Variants in CLCA1 observed in about 807,000 individuals in gnomAD.
CLCA1 encodes the protein chloride channel accessory 1.
A neutral mutation model predicts 85.6 loss-of-function variants in CLCA1; 59 were observed. The observed-to-expected ratio is 0.69, with a 90% CI of 0.56 to 0.86. CLCA1 has a LOEUF of 0.86. Among genes scored for constraint, CLCA1 ranks in the 40% least tolerant of loss-of-function variants. CLCA1 has a pLI of 0.00. For synonymous variants in CLCA1, 396 were observed against 398.3 expected (o/e 0.99, Z 0.07); for missense variants, 1,022 against 1,101.4 (o/e 0.93, Z 1.02).
At chr1:86,473,226 G>A (rs985701344) in intron 1 of CLCA1, among the ~76,000 whole-genome samples, 191 bp from the exon 2 acceptor site, 1 of 152,086 alleles carries the variant, frequency 6.6e-6, no homozygotes, top group African/African-American at 2.4e-5. Context: ...CTGATTACTC[G>A]GTGACACAGA....
chr1:86,498,053 G>A (rs1408297495), intron 12 of CLCA1, among the ~76,000 whole-genome samples: 1 of 152,074 alleles, frequency 6.6e-6, no homozygotes, highest in African/African-American at 2.4e-5. Context: ...TGAGGCAGGA[G>A]AATCACCTGA....
At chr1:86,494,947 A>G (rs999229732) in intron 11 of CLCA1, among the ~76,000 whole-genome samples, 2 of 152,034 alleles carry the variant, frequency 1.3e-5, no homozygotes, top group Non-Finnish European at 2.9e-5. Flanking sequence ...TGCAGACTCT[A>G]TATTAGCTTG....
chr1:86,482,309 A>C lies in CLCA1; in HGVS notation c.662A>C (p.Lys221Thr). The C allele has an allele frequency of 6.2e-7, 1 of 1,614,134 alleles. No individual in the cohort carries two copies. The highest frequency in any genetic ancestry group is 8.5e-7 in the Non-Finnish European group (1 of 1,179,982). The change falls in exon 5 of 14, where the codon AAA (lysine) becomes ACA (threonine). Residue 221 changes from lysine (K) to threonine (T), a missense_variant. Physicochemically the swap from Lys to Thr is moderately conservative, Grantham distance 78. Coordinates refer to ENST00000394711, the MANE Select transcript of CLCA1 (RefSeq NM_001285.4). ...AATAAAGTAACAGGACTCTATGAAA[A>C]AGGATGTGAGTTTGTTCTCCAATCC... Reference protein sequence around the residue: ...TFNKVTGLYEKGCEFVLQSRQ... With the variant: ...TFNKVTGLYETGCEFVLQSRQ...
chr1:86,478,183 C>T (rs1489117600), intron 4 of CLCA1, among the ~76,000 whole-genome samples: 1 of 152,070 alleles, frequency 6.6e-6, no homozygotes, highest in African/African-American at 2.4e-5. Flanking sequence ...AATCCCAGTA[C>T]TTTGGGAGGC....
chr1:86,487,381 G>C (rs1648010241), intron 7 of CLCA1, among the ~76,000 whole-genome samples: 1 of 152,082 alleles, frequency 6.6e-6, no homozygotes, highest in African/African-American at 2.4e-5. Flanking sequence ...GTGGTGAAGA[G>C]AGAACCTCTG....
At chr1:86,484,067 A>G (rs1216638368) in intron 5 of CLCA1, among the ~76,000 whole-genome samples, 1 of 152,174 alleles carries the variant, frequency 6.6e-6, no homozygotes, top group African/African-American at 2.4e-5. Context: ...CAAGAACAGC[A>G]TGGAGGAAAC....
intron 3 of CLCA1, among the ~76,000 whole-genome samples, chr1:86,475,056 C>T (rs1647606377): frequency 6.6e-6 from 1 of 152,128 alleles, no homozygotes; most frequent in African/African-American, 2.4e-5. Context: ...TTCTACAACA[C>T]ATTTCACCTC....
chr1:86,485,537 C>T lies in CLCA1; in HGVS notation c.930C>T (p.Val310=). The change falls in exon 6 of 14, where the codon GTC becomes GTT. Residue 310 remains valine (V), a synonymous_variant. Coordinates refer to ENST00000394711, the MANE Select transcript of CLCA1 (RefSeq NM_001285.4). The part of the protein sequence containing the change: ...LQIGQRIVCL[V]LDKSGSMATG... ...TTGGACAAAGAATTGTGTGTTTAGT[C>T]CTTGACAAATCTGGAAGCATGGCGG... 1 of 1,614,098 alleles carries T rather than the reference C, an allele frequency of 6.2e-7. No homozygotes were observed. The highest frequency in any genetic ancestry group is 8.5e-7 in the Non-Finnish European group (1 of 1,179,996).
chr1:86,471,249 A>G (rs1168329041), intron 1 of CLCA1, among the ~76,000 whole-genome samples: 1 of 152,194 alleles, frequency 6.6e-6, no homozygotes, highest in African/African-American at 2.4e-5. Context: ...TTTGCCATTT[A>G]CTAAACCCAC....
Position 86,482,237 on chromosome 1 carries a change from T to C in CLCA1, c.590T>C (p.Val197Ala). The change falls in exon 5 of 14, where the codon GTA (valine) becomes GCA (alanine). Residue 197 changes from valine (V) to alanine (A), a missense_variant. Physicochemically the swap from Val to Ala is moderately conservative, Grantham distance 64. Coordinates refer to ENST00000394711, the MANE Select transcript of CLCA1 (RefSeq NM_001285.4). ...CSAGITGTNV[V>A]KKCQGGSCYT... is the part of the protein sequence containing the mutation. ...GCAGGTATTACTGGTACAAATGTAGTAAAGAAGTGTCAGGGAGGCAGCTGT... is the reference window on the plus strand; with the variant it reads ...GCAGGTATTACTGGTACAAATGTAGCAAAGAAGTGTCAGGGAGGCAGCTGT... 6.2e-7 allele frequency: 1 copy of C among 1,613,920 alleles called. No homozygotes were observed.
chr1:86,478,236 G>A (rs1194838617), intron 4 of CLCA1, among the ~76,000 whole-genome samples: 3 of 151,962 alleles, frequency 2.0e-5, no homozygotes, highest in Non-Finnish European at 4.4e-5. Context: ...GACCAGCCTG[G>A]CCAACATGGA....
intron 5 of CLCA1, among the ~76,000 whole-genome samples, chr1:86,484,259 A>G (rs1444474811): frequency 2.0e-5 from 3 of 152,224 alleles, no homozygotes; most frequent in Non-Finnish European, 4.4e-5. Context: ...GTGAAGCTAT[A>G]AAGGGTGGAA....
intron 4 of CLCA1, among the ~76,000 whole-genome samples, chr1:86,479,062 G>A (rs1293975685): frequency 1.3e-5 from 2 of 152,148 alleles, no homozygotes; most frequent in Non-Finnish European, 2.9e-5. Context: ...TAAAACTGGG[G>A]ATGTAAAAAG....
In CLCA1 at chr1:86,491,250, G is replaced by A; in HGVS notation, c.1358-15G>A. On this transcript the variant is annotated splice_polypyrimidine_tract_variant and intron_variant, in intron 8 of 13. Transcript: ENST00000394711. Reference sequence around the variant, plus strand: ...TTTCTGGAAAATAATTTCTGAAAATGTAATTGCATTTTAGGAGGTTTACAG... The same window carrying A: ...TTTCTGGAAAATAATTTCTGAAAATATAATTGCATTTTAGGAGGTTTACAG... 1.3e-6 allele frequency: 2 copies of A among 1,580,098 alleles called. No individual in the cohort carries two copies. The highest frequency in any genetic ancestry group is 1.7e-6 in the Non-Finnish European group (2 of 1,152,692).
chr1:86,472,522 G>C (rs1312550349), intron 1 of CLCA1, among the ~76,000 whole-genome samples: 1 of 152,010 alleles, frequency 6.6e-6, no homozygotes, highest in Non-Finnish European at 1.5e-5. Context: ...CGAAGCAAAT[G>C]GTTTTCAGTC....
Position 86,473,864 on chromosome 1 carries a change from T to C in CLCA1, c.439T>C (p.Tyr147His). ...DFIAGKKLAE[Y>H]GPQGRAFVHE... is the part of the protein sequence containing the mutation. ...CATTGCAGGAAAAAAGTTAGCTGAA[T>C]ATGGACCACAAGGTATGAAATATTC... The change falls in exon 3 of 14, where the codon TAT becomes CAT. Residue 147 changes from tyrosine (Y) to histidine (H), a missense_variant. Coordinates refer to ENST00000394711, the MANE Select transcript of CLCA1 (RefSeq NM_001285.4). 1 of 1,604,282 alleles carries C rather than the reference T, an allele frequency of 6.2e-7. No individual in the cohort carries two copies. The highest frequency in any genetic ancestry group is 8.5e-7 in the Non-Finnish European group (1 of 1,176,042).
intron 13 of CLCA1, 79 bp from the exon 14 acceptor site, chr1:86,499,575 T>C: frequency 1.1e-6 from 1 of 926,792 alleles, no homozygotes; most frequent in Non-Finnish European, 1.6e-6. Flanking sequence ...GCTTTTTAAA[T>C]ATTTTTTAAA....
intron 9 of CLCA1, among the ~76,000 whole-genome samples, chr1:86,493,036 G>A (rs1648177959): frequency 6.6e-6 from 1 of 152,186 alleles, no homozygotes; most frequent in African/African-American, 2.4e-5. Flanking sequence ...TTTGAAGGAT[G>A]GGTAAGGCTT....
chr1:86,494,364 C>T lies in CLCA1; in HGVS notation c.1858C>T (p.Pro620Ser), dbSNP rs1188456510. ...TGCAAATATTCGCCAAGGAGCCTCCCCAATTCTCAGGGCCAGTGTCACAGC... is the reference window on the plus strand; with the variant it reads ...TGCAAATATTCGCCAAGGAGCCTCCTCAATTCTCAGGGCCAGTGTCACAGC... The part of the protein sequence containing the change: ...VYANIRQGAS[P>S]ILRASVTALI... Residue 620 changes from proline (P) to serine (S), a missense_variant, in exon 11 of 14, where the codon CCA becomes TCA. Transcript: ENST00000394711. 84 of 1,614,070 alleles carry T rather than the reference C, an allele frequency of 5.2e-5. No homozygotes were observed. Among genetic ancestry groups the T allele is most frequent in the Non-Finnish European group, 6.9e-5 (81 of 1,180,040 alleles).
Sources: allele counts gnomAD v4.1 joint callset (sites outside exome capture counted in the v4.1 genomes callset), GRCh38; gene constraint gnomAD v4.1.1; transcripts MANE v1.5; gene names NCBI Gene and HGNC (gene_info 2026-07-23, HGNC 2026-07-21).